Variants in SYNPR observed in about 807,000 individuals in gnomAD.
SYNPR encodes the protein synaptoporin.
SYNPR carries 23 observed loss-of-function variants against 32.9 expected under a neutral mutation model. The observed-to-expected ratio is 0.70, with a 90% confidence interval of 0.50 to 0.99. The LOEUF is 0.99. Ranked by LOEUF, SYNPR falls within the 50% of genes least tolerant of loss-of-function variation. The pLI is 0.00. For missense variants in SYNPR, 318 were observed against 349.3 expected, an observed-to-expected ratio of 0.91 and a Z score of 0.71; for synonymous variants, 146 against 135.9, an observed-to-expected ratio of 1.07 and a Z score of -0.52.
At chr3:63,339,903 C>A (rs1349195396) in intron 2 of SYNPR, among the ~76,000 whole-genome samples, 1 of 152,112 alleles carries the variant, frequency 6.6e-6, no homozygotes, top group African/African-American at 2.4e-5. Flanking sequence ...GTGATCTGCC[C>A]GCCTCGGCCT....
chr3:63,496,378 G>A (rs1316253428), intron 3 of SYNPR, among the ~76,000 whole-genome samples: 1 of 151,858 alleles, frequency 6.6e-6, no homozygotes, highest in African/African-American at 2.4e-5. Flanking sequence ...GGACCTCATA[G>A]CTATACTATA....
rs11280661 is a variant in SYNPR at position 63,290,141 on chromosome 3, A to AAAATC, written c.84+11401_84+11402insATCAA. ...CAAGACTCCGTCTCAAAAAACAAAA[A>AAAATC]AACTCCTTTTCACATATGAAAAAAT... On this transcript the variant is annotated intron_variant, in intron 2 of 5. Transcript: ENST00000478300. Among the ~76,000 whole-genome samples the AAAATC allele has an allele frequency of 4.9e-4, 71 of 145,514 alleles. 1 individual carries two copies. Among genetic ancestry groups the AAAATC allele is most frequent in the African/African-American group, 1.6e-3 (62 of 39,084 alleles).
chr3:63,421,543 T>C (rs537577580), intron 2 of SYNPR, among the ~76,000 whole-genome samples: 71 of 152,100 alleles, frequency 4.7e-4, no homozygotes, highest in Non-Finnish European at 9.3e-4. Flanking sequence ...AAATGAAAAT[T>C]AATCTATATT....
At chr3:63,377,401 C>A (rs754378692) in intron 2 of SYNPR, among the ~76,000 whole-genome samples, 1 of 151,932 alleles carries the variant, frequency 6.6e-6, no homozygotes, top group Non-Finnish European at 1.5e-5. Context: ...AGAAAAGAAG[C>A]CTTATTTTAT....
intron 2 of SYNPR, among the ~76,000 whole-genome samples, chr3:63,279,032 C>G (rs1032742601): frequency 3.9e-5 from 6 of 152,162 alleles, no homozygotes; most frequent in Admixed American, 1.3e-4. Context: ...GAAACCTCCC[C>G]CTTGGGAGAT....
upstream of SYNPR, chr3:63,278,219 A>T: frequency 3.1e-6 from 1 of 321,652 alleles, no homozygotes; most frequent in Non-Finnish European, 5.7e-6. Context: ...TCCCCTCTGG[A>T]GCGCGGCTGG....
At chr3:63,363,439 C>G (rs762753750) in intron 2 of SYNPR, among the ~76,000 whole-genome samples, 13 of 152,164 alleles carry the variant, frequency 8.5e-5, no homozygotes, top group Non-Finnish European at 1.3e-4. Context: ...GAGACTTTCT[C>G]AAGATCTATA....
intron 3 of SYNPR, among the ~76,000 whole-genome samples, chr3:63,489,703 A>G (rs1575671577): frequency 6.6e-6 from 1 of 152,380 alleles, no homozygotes; most frequent in East Asian, 1.9e-4. Context: ...AGTGAGAAAT[A>G]TAAATAAATA....
chr3:63,568,090 T>C (rs1702823186), intron 4 of SYNPR, among the ~76,000 whole-genome samples: 1 of 152,132 alleles, frequency 6.6e-6, no homozygotes, highest in Non-Finnish European at 1.5e-5. Context: ...AAAAAAGAAC[T>C]TAGAAAAAAG....
intron 5 of SYNPR, among the ~76,000 whole-genome samples, chr3:63,610,991 G>A (rs957365019): frequency 1.3e-5 from 2 of 152,168 alleles, no homozygotes; most frequent in Non-Finnish European, 2.9e-5. Context: ...ATCCATATCA[G>A]TTAACAGTCT....
At chr3:63,211,254 G>C in the SYNPR span, among the ~76,000 whole-genome samples, 2 of 152,136 alleles carry the variant, frequency 1.3e-5, no homozygotes, top group Non-Finnish European at 2.9e-5. Flanking sequence ...TTTTAGTAGA[G>C]ATGGGTTTCA....
chr3:63,552,658 C>A (rs901978780), intron 3 of SYNPR, among the ~76,000 whole-genome samples: 4 of 152,152 alleles, frequency 2.6e-5, no homozygotes, highest in African/African-American at 9.7e-5. Flanking sequence ...GCATTTTAAA[C>A]ATAGTCCCTA....
At chr3:63,589,640 G>T (rs1012847847) in intron 4 of SYNPR, among the ~76,000 whole-genome samples, 1 of 151,060 alleles carries the variant, frequency 6.6e-6, no homozygotes, top group Non-Finnish European at 1.5e-5. Context: ...GGGATGCAAG[G>T]CTGGTTCAAT....
At chr3:63,522,022 T>C (rs1701925568) in intron 3 of SYNPR, among the ~76,000 whole-genome samples, 1 of 152,190 alleles carries the variant, frequency 6.6e-6, no homozygotes, top group African/African-American at 2.4e-5. Context: ...GGCAAGTAGA[T>C]CTGGAGGGAC....
At chr3:63,566,169 C>A (rs1051175950) in intron 4 of SYNPR, among the ~76,000 whole-genome samples, 2 of 152,032 alleles carry the variant, frequency 1.3e-5, no homozygotes, top group Non-Finnish European at 2.9e-5. Context: ...GGAATTTGAG[C>A]CAATTAAATA....
At chr3:63,452,955 T>C (rs1700406429) in intron 2 of SYNPR, among the ~76,000 whole-genome samples, 1 of 152,014 alleles carries the variant, frequency 6.6e-6, no homozygotes, top group Non-Finnish European at 1.5e-5. Flanking sequence ...GTACTGAGAG[T>C]GTCGAATCCT....
intron 2 of SYNPR, among the ~76,000 whole-genome samples, chr3:63,376,494 T>C (rs2087896862): frequency 6.6e-6 from 1 of 152,158 alleles, no homozygotes; most frequent in African/African-American, 2.4e-5. Context: ...TTAGTCACTT[T>C]TCTTTCACCA....
intron 2 of SYNPR, among the ~76,000 whole-genome samples, chr3:63,286,609 T>G (rs2106925037): frequency 6.6e-6 from 1 of 152,362 alleles, no homozygotes. Context: ...AACAGTCATG[T>G]GCTAGTAGAA....
At chr3:63,426,825 G>T (rs1699901368) in intron 2 of SYNPR, 1 of 151,562 alleles carries the variant, frequency 6.6e-6, no homozygotes, top group Admixed American at 6.6e-5. Flanking sequence ...AAAAAAAACA[G>T]CTAAAGTTTT....
Sources: allele counts gnomAD v4.1 joint callset (sites outside exome capture counted in the v4.1 genomes callset), GRCh38; gene constraint gnomAD v4.1.1; transcripts MANE v1.5; gene names NCBI Gene and HGNC (gene_info 2026-07-23, HGNC 2026-07-21).